The following PLCL1 variants were observed in gnomAD, a reference collection of about 807,000 sequenced individuals.
PLCL1 encodes inactive phospholipase C-like protein 1.
In PLCL1, 41 loss-of-function variants were observed where a neutral mutation model predicts 84.4. The ratio of observed to expected loss-of-function variants is 0.49; its 90% confidence interval spans 0.38 to 0.63. The LOEUF (loss-of-function observed/expected upper bound fraction) is 0.63. PLCL1 is among the 30% of genes least tolerant of loss of function. PLCL1 has a pLI of 0.00. For missense variants in PLCL1, 1,206 were observed against 1,367.8 expected (o/e 0.88, Z 1.87); for synonymous variants, 490 against 488.3 (o/e 1.00, Z -0.05).
chr2:197,959,773 G>A (rs1032870834), intron 1 of PLCL1, among the ~76,000 whole-genome samples: 1 of 152,032 alleles, frequency 6.6e-6, no homozygotes, highest in East Asian at 1.9e-4. Context: ...TGATGATCTG[G>A]CAACACTGCA....
chr2:198,137,534 C>T (rs1237095425), intron 5 of PLCL1, among the ~76,000 whole-genome samples: 1 of 152,176 alleles, frequency 6.6e-6, no homozygotes, highest in Non-Finnish European at 1.5e-5. Context: ...CCTTCCAGAA[C>T]ACTCTCCCAT....
At chr2:198,056,844 C>T (rs1218376087) in intron 1 of PLCL1, among the ~76,000 whole-genome samples, 1 of 152,074 alleles carries the variant, frequency 6.6e-6, no homozygotes, top group South Asian at 2.1e-4. Context: ...TGATTTGCAC[C>T]CCTGGACACC....
In PLCL1 at chr2:198,100,515, G is replaced by A. The variant is rs117192590; in HGVS notation, c.2920-770G>A. Among the ~76,000 whole-genome samples the A allele has an allele frequency of 5.3e-5, 8 of 152,128 alleles. No homozygotes were observed. The East Asian group carries it at 1.2e-3, about 22-fold the overall frequency. On this transcript the variant is annotated intron_variant, in intron 3 of 5. Coordinates refer to ENST00000428675, the MANE Select transcript of PLCL1 (RefSeq NM_006226.4). ...AATGTGTGGGAGGAGGAACAAGTAG[G>A]GTGTGTTTAGAGAAGCGTGATTCAT...
intron 1 of PLCL1, among the ~76,000 whole-genome samples, chr2:197,990,290 G>A (rs1279358858): frequency 1.3e-5 from 2 of 152,180 alleles, no homozygotes; most frequent in Admixed American, 6.5e-5. Flanking sequence ...GCAATTGCAG[G>A]TGCTGGATAT....
chr2:198,051,852 C>T lies in PLCL1; in HGVS notation c.241-31906C>T, dbSNP rs141571575. ...GGTTCAAGCGATTCTCCTGCCTCAG[C>T]CTCCCGAGTAGCTGGGACTACAGGC... On this transcript the variant is annotated intron_variant, in intron 1 of 5. Transcript: ENST00000428675. 1.1e-3 allele frequency among the ~76,000 whole-genome samples: 173 copies of T among 151,696 alleles called. 2 individuals carry two copies. In the East Asian group the frequency reaches 0.032, roughly 28 times the overall value.
intron 1 of PLCL1, among the ~76,000 whole-genome samples, chr2:198,011,546 G>A (rs1172913253): frequency 6.6e-6 from 1 of 151,874 alleles, no homozygotes; most frequent in African/African-American, 2.4e-5. Flanking sequence ...GTCTATTTTG[G>A]GAATGTTCCA....
intron 1 of PLCL1, among the ~76,000 whole-genome samples, chr2:197,999,030 T>A (rs1006706927): frequency 4.0e-5 from 6 of 151,890 alleles, no homozygotes; most frequent in Non-Finnish European, 7.4e-5. Flanking sequence ...CCAACAGGAG[T>A]TGTGGCCATG....
In PLCL1 at chr2:198,089,259, G is replaced by T. The variant is rs551634102; in HGVS notation, c.2919+198G>T. ...AACTCTGAGAAAATGACTTGAACCT[G>T]GAGCTGCACAGGTTATAAGTGGAAA... On this transcript the variant is annotated intron_variant, in intron 3 of 5. Transcript: ENST00000428675. 1.4e-4 allele frequency among the ~76,000 whole-genome samples: 21 copies of T among 152,206 alleles called. 1 individual carries two copies. The East Asian group carries it at 4.1e-3, about 29-fold the overall frequency.
chr2:198,017,535 T>C (rs943913571), intron 1 of PLCL1, among the ~76,000 whole-genome samples: 1 of 152,236 alleles, frequency 6.6e-6, no homozygotes, highest in Admixed American at 6.5e-5. Context: ...TCTCTTTGTA[T>C]GTCTTAATGT....
chr2:197,862,506 G>C (rs918342734), intron 1 of PLCL1, among the ~76,000 whole-genome samples: 2 of 152,136 alleles, frequency 1.3e-5, no homozygotes, highest in Non-Finnish European at 2.9e-5. Context: ...TATAAAGGGA[G>C]GGTTAAGAGG....
At chr2:197,854,748 A>G (rs565723225) in intron 1 of PLCL1, among the ~76,000 whole-genome samples, 83 of 152,278 alleles carry the variant, frequency 5.5e-4, no homozygotes, top group African/African-American at 1.9e-3. Context: ...GGAAGATACA[A>G]ATTACTTAAG....
intron 1 of PLCL1, among the ~76,000 whole-genome samples, chr2:197,931,196 C>T (rs1355990871): frequency 1.3e-5 from 2 of 152,188 alleles, no homozygotes; most frequent in African/African-American, 2.4e-5. Context: ...GAAGCAGTAT[C>T]TATTGCTAGC....
chr2:197,811,526 T>G (rs973893115), intron 1 of PLCL1, among the ~76,000 whole-genome samples: 3 of 152,210 alleles, frequency 2.0e-5, no homozygotes, highest in Admixed American at 6.5e-5. Flanking sequence ...TTGTTTACAT[T>G]ATCATTATCA....
At chr2:198,109,497 G>A (rs1693564834) in intron 5 of PLCL1, among the ~76,000 whole-genome samples, 1 of 151,724 alleles carries the variant, frequency 6.6e-6, no homozygotes, top group Non-Finnish European at 1.5e-5. Flanking sequence ...GTTTTTTAAG[G>A]CTTTCAGAAA....
intron 1 of PLCL1, among the ~76,000 whole-genome samples, chr2:198,041,820 G>A (rs559092884): frequency 1.9e-4 from 29 of 152,308 alleles, no homozygotes; most frequent in Admixed American, 6.5e-4. Flanking sequence ...TAGGTGAAGA[G>A]AGCAAAGGTA....
intron 1 of PLCL1, among the ~76,000 whole-genome samples, chr2:198,004,426 A>G (rs1690678220): frequency 6.6e-6 from 1 of 152,164 alleles, no homozygotes; most frequent in South Asian, 2.1e-4. Flanking sequence ...GAATATCTTT[A>G]TTGCATTGAC....
chr2:197,830,453 G>A (rs1276399231), intron 1 of PLCL1, among the ~76,000 whole-genome samples: 1 of 151,862 alleles, frequency 6.6e-6, no homozygotes, highest in Admixed American at 6.6e-5. Context: ...TAAATAAAGT[G>A]TGAAGACAAA....
At chr2:198,049,764 G>A (rs1204599659) in intron 1 of PLCL1, among the ~76,000 whole-genome samples, 2 of 152,200 alleles carry the variant, frequency 1.3e-5, no homozygotes, top group Non-Finnish European at 2.9e-5. Context: ...TGGTCACACT[G>A]TCCCTGACTT....
intron 1 of PLCL1, among the ~76,000 whole-genome samples, chr2:197,901,211 C>T (rs1417507644): frequency 6.6e-6 from 1 of 152,150 alleles, no homozygotes; most frequent in African/African-American, 2.4e-5. Flanking sequence ...GACTTTTAAT[C>T]TACTTTATTC....
Sources: gnomAD v4.1 joint callset for allele counts (sites outside exome capture counted in the v4.1 genomes callset) on GRCh38, gnomAD v4.1.1 for gene constraint, MANE v1.5 for transcripts, NCBI Gene and HGNC (gene_info 2026-07-23, HGNC 2026-07-21) for gene names.